The following SUV39H2 variants were observed in gnomAD, a reference collection of about 807,000 sequenced individuals.
SUV39H2 encodes SUV39H2 histone lysine methyltransferase, also known as histone-lysine N-methyltransferase SUV39H2.
SUV39H2 carries 10 observed loss-of-function variants against 47.5 expected under a neutral mutation model. That is an observed-to-expected ratio of 0.21 (90% CI 0.13 to 0.36). The LOEUF (loss-of-function observed/expected upper bound fraction) is 0.36. SUV39H2 is among the 10% of genes least tolerant of loss of function. The probability of loss-of-function intolerance (pLI) is 1.00; values close to 1 mark genes in which losing one functional copy is unlikely to be tolerated. For synonymous variants in SUV39H2, 159 were observed against 166.8 expected (o/e 0.95, Z 0.36); for missense variants, 266 against 487.4 (o/e 0.55, Z 4.28).
In SUV39H2 at chr10:14,902,728, A is replaced by G; in HGVS notation, c.*216A>G. Reference sequence around the variant, plus strand: ...TGAAGTCGACATATTTATAGTGCTTAGAGACCAAACTAATGGAAGGCAGAC... The same window carrying G: ...TGAAGTCGACATATTTATAGTGCTTGGAGACCAAACTAATGGAAGGCAGAC... On this transcript the variant is annotated 3_prime_UTR_variant, in exon 6 of 6. Transcript: ENST00000354919. 5.6e-6 allele frequency: 2 copies of G among 358,518 alleles called. No individual in the cohort carries two copies. The highest frequency in any genetic ancestry group is 1.0e-5 in the Non-Finnish European group (2 of 195,008). The allele number at this position is 358,518 out of a possible 1,614,324, so 22.2% of individuals were successfully genotyped here.
At chr10:14,886,581 C>G (rs1263655063) in intron 2 of SUV39H2, among the ~76,000 whole-genome samples, 1 of 152,218 alleles carries the variant, frequency 6.6e-6, no homozygotes, top group Non-Finnish European at 1.5e-5. Context: ...CACTATTAGA[C>G]TAGGCCTTCC....
intron 3 of SUV39H2, chr10:14,899,091 T>G (rs931651404): frequency 9.6e-6 from 6 of 624,638 alleles, no homozygotes; most frequent in East Asian, 2.7e-5. Context: ...AGGTCAAGGC[T>G]GGAGGCTCAC....
At chr10:14,895,837 A>G (rs1196445529) in intron 2 of SUV39H2, among the ~76,000 whole-genome samples, 1 of 151,742 alleles carries the variant, frequency 6.6e-6, no homozygotes, top group Non-Finnish European at 1.5e-5. Flanking sequence ...CCAAAATATT[A>G]TTTCAACCTG....
At chr10:14,879,166 G>T in intron 1 of SUV39H2, 1 of 1,190,998 alleles carries the variant, frequency 8.4e-7, no homozygotes, top group Non-Finnish European at 1.0e-6. Flanking sequence ...CGGAAGTGGA[G>T]CGTGGCCTCT....
chr10:14,883,559 G>A (rs1833108278), intron 2 of SUV39H2, among the ~76,000 whole-genome samples: 1 of 151,668 alleles, frequency 6.6e-6, no homozygotes, highest in Admixed American at 6.6e-5. Context: ...ACAAAAATTA[G>A]CCGGGCATGG....
chr10:14,879,212 T>G, intron 1 of SUV39H2: 76 of 918,278 alleles, frequency 8.3e-5, no homozygotes, highest in East Asian at 2.5e-4. Context: ...GCGTCTCCCG[T>G]GGCGGCCTCG....
At chr10:14,891,136 C>G (rs981230517) in intron 2 of SUV39H2, among the ~76,000 whole-genome samples, 1 of 152,164 alleles carries the variant, frequency 6.6e-6, no homozygotes, top group Admixed American at 6.5e-5. Flanking sequence ...GGAAAGACTT[C>G]ATAGAAGAGG....
At chr10:14,886,801 T>C (rs921269268) in intron 2 of SUV39H2, among the ~76,000 whole-genome samples, 3 of 152,212 alleles carry the variant, frequency 2.0e-5, no homozygotes, top group Non-Finnish European at 4.4e-5. Flanking sequence ...CCCGTTGCAG[T>C]GTAGATGTAT....
chr10:14,895,412 G>A (rs1417220350), intron 2 of SUV39H2, among the ~76,000 whole-genome samples: 3 of 152,222 alleles, frequency 2.0e-5, no homozygotes, highest in Admixed American at 1.3e-4. Flanking sequence ...CTGGCCCCAA[G>A]TGATTCACCC....
At chr10:14,899,871 G>A (rs1447231989) in intron 4 of SUV39H2, among the ~76,000 whole-genome samples, 186 bp downstream of exon 4, 1 of 152,156 alleles carries the variant, frequency 6.6e-6, no homozygotes, top group East Asian at 1.9e-4. Flanking sequence ...TAAACATTGA[G>A]GTGCCTACCA....
Position 14,884,145 on chromosome 10 carries a change from A to G in SUV39H2, c.177+2500A>G, listed in dbSNP as rs549454175. 2.6e-5 allele frequency among the ~76,000 whole-genome samples: 4 copies of G among 152,362 alleles called. No homozygotes were observed. The South Asian group carries it at 6.2e-4, about 24-fold the overall frequency. On this transcript the variant is annotated intron_variant, in intron 2 of 5. Coordinates refer to ENST00000354919, the MANE Select transcript of SUV39H2 (RefSeq NM_001193424.2). ...ATAAGGCTGTTATGAACATTCGCCT[A>G]CAGGGTTCTGTGTGGACATAAGTTT...
chr10:14,902,434 T>A lies in SUV39H2; in HGVS notation c.1155T>A (p.Ile385=). Residue 385 remains isoleucine, a synonymous_variant, in exon 6 of 6, where the codon ATT becomes ATA. Transcript: ENST00000354919. ...KGSGDISSDS[I]DHSPAKKRVR... is the part of the protein sequence containing the mutation. ...CTGGAGATATATCTTCAGATTCTATTGACCACAGCCCAGCCAAAAAGAGGG... is the reference window on the plus strand; with the variant it reads ...CTGGAGATATATCTTCAGATTCTATAGACCACAGCCCAGCCAAAAAGAGGG... 1 of 1,611,174 alleles carries A rather than the reference T, an allele frequency of 6.2e-7. No homozygotes were observed. The highest frequency in any genetic ancestry group is 8.5e-7 in the Non-Finnish European group (1 of 1,179,188).
At chr10:14,895,475 C>T (rs761276018) in intron 2 of SUV39H2, among the ~76,000 whole-genome samples, 3 of 152,126 alleles carry the variant, frequency 2.0e-5, no homozygotes, top group Non-Finnish European at 4.4e-5. Flanking sequence ...CGCACCCAGC[C>T]GGAACTGCCT....
At chr10:14,896,224 T>C (rs1688260454) in intron 2 of SUV39H2, among the ~76,000 whole-genome samples, 1 of 152,234 alleles carries the variant, frequency 6.6e-6, no homozygotes, top group Admixed American at 6.5e-5. Flanking sequence ...ATTACAGGCA[T>C]GAGCCACCGT....
At chr10:14,900,544 C>T (rs904582224) in intron 4 of SUV39H2, among the ~76,000 whole-genome samples, 1 of 152,164 alleles carries the variant, frequency 6.6e-6, no homozygotes, top group South Asian at 2.1e-4. Flanking sequence ...GAGATACTCT[C>T]AAAATAGAGA....
chr10:14,886,168 A>C (rs1322327882), intron 2 of SUV39H2, among the ~76,000 whole-genome samples: 1 of 152,224 alleles, frequency 6.6e-6, no homozygotes, highest in Non-Finnish European at 1.5e-5. Context: ...GACCCAGCTT[A>C]TATTCTAATG....
chr10:14,899,246 G>A (rs1833822502), intron 3 of SUV39H2: 1 of 702,010 alleles, frequency 1.4e-6, no homozygotes. Flanking sequence ...CTTGATCCCA[G>A]GAGTTAAAGG....
intron 2 of SUV39H2, among the ~76,000 whole-genome samples, chr10:14,891,501 T>C (rs1234560320): frequency 6.6e-6 from 1 of 151,990 alleles, no homozygotes; most frequent in Non-Finnish European, 1.5e-5. Flanking sequence ...AAGGATAGAG[T>C]GTTTGAAGCT....
intron 4 of SUV39H2, among the ~76,000 whole-genome samples, chr10:14,900,306 A>T (rs1833911757): frequency 6.6e-6 from 1 of 152,212 alleles, no homozygotes; most frequent in South Asian, 2.1e-4. Context: ...ACTAAGTAGC[A>T]AGTGGACAGT....
Sources: gnomAD v4.1 joint callset for allele counts (sites outside exome capture counted in the v4.1 genomes callset) on GRCh38, gnomAD v4.1.1 for gene constraint, MANE v1.5 for transcripts, NCBI Gene and HGNC (gene_info 2026-07-23, HGNC 2026-07-21) for gene names.